The following TRAF3 variants were observed in gnomAD, a reference collection of about 807,000 sequenced individuals.
TRAF3 encodes the protein TNF receptor associated factor 3, also known as TNF receptor-associated factor 3.
In TRAF3, 13 loss-of-function variants were observed where a neutral mutation model predicts 62.3. The ratio of observed to expected loss-of-function variants is 0.21; its 90% CI spans 0.14 to 0.33. The LOEUF is 0.33. Ranked by LOEUF, TRAF3 falls within the 10% of genes least tolerant of loss-of-function variation. The probability of loss-of-function intolerance (pLI) is 1.00; values close to 1 mark genes in which losing one functional copy is unlikely to be tolerated. For missense variants in TRAF3, 440 were observed against 741.8 expected, an observed-to-expected ratio of 0.59 and a Z score of 4.73; for synonymous variants, 269 against 283.4, an observed-to-expected ratio of 0.95 and a Z score of 0.51.
Position 102,903,080 on chromosome 14 carries a change from G to C in TRAF3, c.961-175G>C. The C allele has an allele frequency of 1.2e-6, 1 of 813,954 alleles. No homozygotes were observed. The highest frequency in any genetic ancestry group is 2.7e-5 in the East Asian group (1 of 37,662). 50.4% of individuals were successfully genotyped at this position (813,954 alleles called of 1,614,324 possible). ...CGGCACAAGCACTTGATCCCAGGGA[G>C]CTCCCAGGAGGCCTGATGCAGAGCC... On this transcript the variant is annotated intron_variant, in intron 10 of 11. Transcript: ENST00000392745. This position sits in a 1 kb window ranked among gnomAD's most constrained non-coding sequence, Gnocchi z 6.4.
At chr14:102,843,304 TAGAA>T (rs141817421) in intron 2 of TRAF3, among the ~76,000 whole-genome samples, 4,065 of 152,052 alleles carry the variant, frequency 0.027, 196 homozygotes, top group African/African-American at 0.091. Flanking sequence ...GAAATTCAGA[TAGAA>T]AGAAAATAAT....
At chr14:102,823,643 G>GT (rs1429866928) in intron 1 of TRAF3, among the ~76,000 whole-genome samples, 1 of 152,118 alleles carries the variant, frequency 6.6e-6, no homozygotes, top group Non-Finnish European at 1.5e-5. Context: ...TTTTCTTGTT[G>GT]TTTTTTAATT....
chr14:102,818,072 G>T (rs1005384232), intron 1 of TRAF3, among the ~76,000 whole-genome samples: 2 of 152,174 alleles, frequency 1.3e-5, no homozygotes, highest in African/African-American at 4.8e-5. Context: ...AGATGAGGTG[G>T]TGGAGGCAGG....
In TRAF3 at chr14:102,905,960, T is replaced by C; in HGVS notation, c.*176T>C. ...GCGTGAGCACACCTGACACGTTTTATAATAGACTAGCCACACTTCACTCTG... is the reference window on the plus strand; with the variant it reads ...GCGTGAGCACACCTGACACGTTTTACAATAGACTAGCCACACTTCACTCTG... On this transcript the variant is annotated 3_prime_UTR_variant, in exon 12 of 12. Transcript: ENST00000392745. 1 of 579,854 alleles carries C rather than the reference T, an allele frequency of 1.7e-6. No homozygotes were observed. The highest frequency in any genetic ancestry group is 3.1e-6 in the Non-Finnish European group (1 of 327,240). The allele number at this position is 579,854 out of a possible 1,614,324, so 35.9% of individuals were successfully genotyped here.
chr14:102,839,475 C>G (rs937372085), intron 2 of TRAF3, among the ~76,000 whole-genome samples: 2 of 152,134 alleles, frequency 1.3e-5, no homozygotes, highest in Admixed American at 1.3e-4. Context: ...CCATCTTGGC[C>G]TCCCAAAGTG....
chr14:102,892,521 A>G (rs1000290447), intron 9 of TRAF3, among the ~76,000 whole-genome samples: 3 of 152,204 alleles, frequency 2.0e-5, no homozygotes, highest in African/African-American at 7.2e-5. Context: ...GATAGAGAAG[A>G]AGTTGTTATA....
At chr14:102,840,903 T>TTA (rs1189989004) in intron 2 of TRAF3, among the ~76,000 whole-genome samples, 2 of 152,224 alleles carry the variant, frequency 1.3e-5, no homozygotes, top group Admixed American at 1.3e-4. Flanking sequence ...GTATTCCAGC[T>TTA]TATACCCCAC....
intron 1 of TRAF3, among the ~76,000 whole-genome samples, chr14:102,788,541 T>G (rs1897617954): frequency 6.6e-6 from 1 of 152,144 alleles, no homozygotes; most frequent in Non-Finnish European, 1.5e-5. Context: ...GTCTCACGCC[T>G]GTAATCCCAG....
In TRAF3 at chr14:102,879,002, C is replaced by T. The variant is rs150717705; in HGVS notation, c.570+2477C>T. On this transcript the variant is annotated intron_variant, in intron 6 of 11. Coordinates refer to ENST00000392745, the MANE Select transcript of TRAF3 (RefSeq NM_145725.3). ...CTTGTGGAGAACCTAGGTGTCCTGC[C>T]GAGGGGGTGCCCAGTGAGTGGAGGG... Among the ~76,000 whole-genome samples, 879 of 151,300 alleles carry T rather than the reference C, an allele frequency of 5.8e-3. 9 individuals carry two copies. The highest frequency in any genetic ancestry group is 9.8e-3 in the Admixed American group (150 of 15,230).
rs558362875 is a variant in TRAF3 at position 102,873,214 on chromosome 14, C to T, written c.297+1246C>T. Among the ~76,000 whole-genome samples, 4 of 152,258 alleles carry T rather than the reference C, an allele frequency of 2.6e-5. No homozygotes were observed. The East Asian group carries it at 7.7e-4, about 29-fold the overall frequency. ...GCTGGTAGTCAGTGTCCCTGGGCTG[C>T]CAGGCACACAGGCATCCAGTATAGC... On this transcript the variant is annotated intron_variant, in intron 4 of 11. Coordinates refer to ENST00000392745, the MANE Select transcript of TRAF3 (RefSeq NM_145725.3).
intron 10 of TRAF3, among the ~76,000 whole-genome samples, chr14:102,900,180 GAAAAAAAAA>G (rs56203426): frequency 2.2e-5 from 2 of 91,446 alleles, no homozygotes; most frequent in Non-Finnish European, 4.3e-5. Context: ...CTCCGTCTCG[GAAAAAAAAA>G]AAAAAAAAAA....
At chr14:102,793,506 C>G (rs1897912021) in intron 1 of TRAF3, among the ~76,000 whole-genome samples, 1 of 152,136 alleles carries the variant, frequency 6.6e-6, no homozygotes. Context: ...TGAAACCTGC[C>G]CTCTCCTAAT....
At chr14:102,801,132 C>A (rs1417441093) in intron 1 of TRAF3, among the ~76,000 whole-genome samples, 1 of 152,216 alleles carries the variant, frequency 6.6e-6, no homozygotes, top group East Asian at 1.9e-4. Context: ...CGCCACGGCA[C>A]TCCCGCCTGG....
chr14:102,804,154 C>G (rs543690105), intron 1 of TRAF3, among the ~76,000 whole-genome samples: 2 of 151,754 alleles, frequency 1.3e-5, no homozygotes, highest in East Asian at 3.9e-4. Flanking sequence ...TGGGCCACTG[C>G]ATTCTAGCCT....
rs1897745274 is a variant in TRAF3 at position 102,790,740 on chromosome 14, C to G, written c.-157+13065C>G. Reference sequence around the variant, plus strand: ...AGATTTGGATGGGGACACAGCCAAACCATATCACACACTGTTTTGATTACT... The same window carrying G: ...AGATTTGGATGGGGACACAGCCAAAGCATATCACACACTGTTTTGATTACT... On this transcript the variant is annotated intron_variant, in intron 1 of 11. Coordinates refer to ENST00000392745, the MANE Select transcript of TRAF3 (RefSeq NM_145725.3). Among the ~76,000 whole-genome samples, 8 of 152,244 alleles carry G rather than the reference C, an allele frequency of 5.3e-5. No homozygotes were observed. The South Asian group carries it at 1.7e-3, about 32-fold the overall frequency.
intron 2 of TRAF3, among the ~76,000 whole-genome samples, chr14:102,851,743 C>CA (rs1482207820): frequency 1.3e-4 from 20 of 148,254 alleles, no homozygotes; most frequent in East Asian, 4.0e-4. Flanking sequence ...GACTCTGCCT[C>CA]AAAAAAAAAG....
intron 2 of TRAF3, among the ~76,000 whole-genome samples, chr14:102,840,387 C>T (rs755312221): frequency 2.0e-5 from 3 of 152,154 alleles, no homozygotes; most frequent in Non-Finnish European, 4.4e-5. Flanking sequence ...CATGCCACCA[C>T]GTCTGGATAA....
At chr14:102,797,449 G>A (rs1229498473) in intron 1 of TRAF3, among the ~76,000 whole-genome samples, 2 of 152,270 alleles carry the variant, frequency 1.3e-5, no homozygotes, top group African/African-American at 4.8e-5. Flanking sequence ...TTATCTGTTG[G>A]TAAGCCAGAG....
At chr14:102,800,775 A>AAG (rs1258543777) in intron 1 of TRAF3, among the ~76,000 whole-genome samples, 2 of 143,826 alleles carry the variant, frequency 1.4e-5, no homozygotes, top group Admixed American at 1.5e-4. Context: ...AGCTCTCTGC[A>AAG]GCCTTGAACT....
Sources: gnomAD v4.1 joint callset for allele counts (sites outside exome capture counted in the v4.1 genomes callset) on GRCh38, gnomAD v4.1.1 for gene constraint, Gnocchi (gnomAD v3.1) non-coding constraint, MANE v1.5 for transcripts, NCBI Gene and HGNC (gene_info 2026-07-23, HGNC 2026-07-21) for gene names.